Variants in ATXN2 observed in about 807,000 individuals in gnomAD.
ATXN2 encodes ataxin-2.
A neutral mutation model predicts 138.6 loss-of-function variants in ATXN2; 37 were observed. That is an observed-to-expected ratio of 0.27 (90% CI 0.21 to 0.35). The LOEUF (loss-of-function observed/expected upper bound fraction) is 0.35, where lower values mean the gene tolerates loss of function less well. ATXN2 is among the 10% of genes least tolerant of loss of function. The pLI is 1.00. For synonymous variants in ATXN2, 549 were observed against 543.7 expected (o/e 1.01, Z -0.13); for missense variants, 1,216 against 1,480.3 (o/e 0.82, Z 2.93).
At chr12:111,455,301 A>C in intron 23 of ATXN2, 4 of 574,862 alleles carry the variant, frequency 7.0e-6, no homozygotes, top group Non-Finnish European at 9.5e-6. Flanking sequence ...CATTAAGACA[A>C]TCCCCTGGGC....
chr12:111,459,510 G>A (rs1402512164), intron 21 of ATXN2, among the ~76,000 whole-genome samples: 1 of 151,980 alleles, frequency 6.6e-6, no homozygotes, highest in Non-Finnish European at 1.5e-5. Flanking sequence ...GCACCATCTC[G>A]GCTCACTGCA....
rs1321850603 is a variant in ATXN2, at chr12:111,485,697, AAATTCT to A, written c.2457+10_2457+15del. ...CAATTGGGGAGGCTAAGTGAACATC[AAATTCT>A]ATGACTTACTTGCACGCCTGGGCTC... On this transcript the variant is annotated intron_variant, in intron 17 of 24. Transcript: ENST00000673436. 3 of 1,613,230 alleles carry A rather than the reference AAATTCT, an allele frequency of 1.9e-6. No individual in the cohort carries two copies. Among genetic ancestry groups the A allele is most frequent in the Non-Finnish European group, 8.5e-7 (1 of 1,179,390 alleles).
chr12:111,476,251 T>C (rs1876808415), intron 18 of ATXN2, among the ~76,000 whole-genome samples: 1 of 152,172 alleles, frequency 6.6e-6, no homozygotes, highest in African/African-American at 2.4e-5. Flanking sequence ...CTGTTCCTGG[T>C]CAATATGATA....
At chr12:111,475,366 C>T (rs1203376024) in intron 18 of ATXN2, among the ~76,000 whole-genome samples, 1 of 139,840 alleles carries the variant, frequency 7.2e-6, no homozygotes, top group Non-Finnish European at 1.5e-5. Flanking sequence ...AAAAAAGTTA[C>T]CACAATATGA....
chr12:111,566,538 A>G (rs2135806253), intron 1 of ATXN2, among the ~76,000 whole-genome samples: 1 of 152,262 alleles, frequency 6.6e-6, no homozygotes, highest in South Asian at 2.1e-4. Context: ...ACTTTCTAAA[A>G]AGTATTCACC....
chr12:111,464,430 T>G (rs1225959639), intron 21 of ATXN2, among the ~76,000 whole-genome samples: 4 of 149,574 alleles, frequency 2.7e-5, no homozygotes, highest in Non-Finnish European at 5.9e-5. Context: ...CCAGTCACAT[T>G]TGCTTGGTAT....
intron 22 of ATXN2, among the ~76,000 whole-genome samples, 194 bp downstream of exon 22, chr12:111,457,020 T>C (rs914587478): frequency 1.3e-5 from 2 of 152,192 alleles, no homozygotes; most frequent in African/African-American, 4.8e-5. Context: ...AGTGGTGGGA[T>C]TACAGGCGTG....
chr12:111,558,130 C>T (rs1882485427), intron 1 of ATXN2, among the ~76,000 whole-genome samples: 1 of 152,098 alleles, frequency 6.6e-6, no homozygotes, highest in African/African-American at 2.4e-5. Context: ...AAAAACAGTA[C>T]AGTAAAGTGC....
chr12:111,554,863 T>C (rs1882308143), intron 2 of ATXN2, among the ~76,000 whole-genome samples: 1 of 152,194 alleles, frequency 6.6e-6, no homozygotes. Flanking sequence ...AGCCAGGTCA[T>C]ACCTTCATAG....
chr12:111,513,153 A>G, intron 11 of ATXN2: 1 of 549,200 alleles, frequency 1.8e-6, no homozygotes, highest in Non-Finnish European at 3.1e-6. Flanking sequence ...TCTCAACTTC[A>G]GAATGAGTGT....
At chr12:111,465,607 T>C (rs149597799) in intron 20 of ATXN2, among the ~76,000 whole-genome samples, 91 of 150,984 alleles carry the variant, frequency 6.0e-4, no homozygotes, top group African/African-American at 2.1e-3. Context: ...CCGTCTCTAC[T>C]AAAAATACAA....
intron 9 of ATXN2, among the ~76,000 whole-genome samples, chr12:111,517,671 G>C (rs1879930793): frequency 6.6e-6 from 1 of 152,090 alleles, no homozygotes; most frequent in African/African-American, 2.4e-5. Context: ...TTTTACTTAA[G>C]TTGCTAAACT....
chr12:111,484,452 A>C (rs1474805910), intron 18 of ATXN2, among the ~76,000 whole-genome samples: 1 of 151,876 alleles, frequency 6.6e-6, no homozygotes, highest in African/African-American at 2.4e-5. Flanking sequence ...GTTTGTTTTG[A>C]GATGGAGTCT....
chr12:111,494,117 A>C (rs1245212013), intron 14 of ATXN2, among the ~76,000 whole-genome samples: 3 of 151,804 alleles, frequency 2.0e-5, no homozygotes, highest in Admixed American at 6.6e-5. Context: ...TTTAGTAGAG[A>C]GGGGGTTTTG....
At chr12:111,496,898 TGAA>T (rs1364950414) in intron 14 of ATXN2, among the ~76,000 whole-genome samples, 1 of 149,938 alleles carries the variant, frequency 6.7e-6, no homozygotes, top group Non-Finnish European at 1.5e-5. Context: ...AAAATTGAAA[TGAA>T]GAAAATACAA....
intron 5 of ATXN2, among the ~76,000 whole-genome samples, chr12:111,539,705 C>T (rs1403182956): frequency 1.3e-5 from 2 of 149,532 alleles, no homozygotes; most frequent in East Asian, 1.9e-4. Context: ...GCCGAGATCG[C>T]GCTACTGCAC....
intron 5 of ATXN2, among the ~76,000 whole-genome samples, chr12:111,530,532 T>G (rs2135753946): frequency 6.6e-6 from 1 of 152,262 alleles, no homozygotes; most frequent in East Asian, 1.9e-4. Flanking sequence ...AATACGTGTA[T>G]AGCTGGGAGC....
chr12:111,525,385 A>C, intron 5 of ATXN2, 69 bp from the exon 6 acceptor site: 3 of 1,381,398 alleles, frequency 2.2e-6, no homozygotes, highest in Non-Finnish European at 2.9e-6. Context: ...CACGTGAATT[A>C]CCAACAAAGA....
Position 111,510,524 on chromosome 12 carries a change from T to C in ATXN2, c.1617A>G (p.Gly539=). Residue 539 remains glycine, a synonymous_variant, in exon 12 of 25, where the codon GGA becomes GGG. Transcript: ENST00000673436. The part of the protein sequence containing the change: ...RPRSPRQNSI[G]NTPSGPVLAS... ...CAAGAACTGGCCCACTGGGGGTATT[T>C]CCAATACTGTTCTGTCTGGGAGACC... 6.2e-7 allele frequency: 1 copy of C among 1,614,118 alleles called. No homozygotes were observed. Among genetic ancestry groups the C allele is most frequent in the African/African-American group, 1.3e-5 (1 of 75,050 alleles).
Sources: allele counts gnomAD v4.1 joint callset (sites outside exome capture counted in the v4.1 genomes callset), GRCh38; gene constraint gnomAD v4.1.1; transcripts MANE v1.5; gene names NCBI Gene and HGNC (gene_info 2026-07-23, HGNC 2026-07-21).